The following CD55 variants were observed in gnomAD, a reference collection of about 807,000 sequenced individuals.
CD55 encodes CD55 molecule (Cromer blood group), also known as complement decay-accelerating factor.
In CD55, 41 loss-of-function variants were observed where a neutral mutation model predicts 45.8. That is an observed-to-expected ratio of 0.90 (90% CI 0.70 to 1.16). The LOEUF is 1.16. CD55 is among the 50% of genes most tolerant of loss of function. The probability of loss-of-function intolerance (pLI) is 0.00; values close to 1 mark genes in which losing one functional copy is unlikely to be tolerated. For synonymous variants in CD55, 181 were observed against 181.1 expected (o/e 1.00, Z 0.01); for missense variants, 416 against 469.8 (o/e 0.89, Z 1.06).
chr1:207,342,917 A>T (rs1655486904), intron 9 of CD55, among the ~76,000 whole-genome samples: 3 of 152,128 alleles, frequency 2.0e-5, no homozygotes, highest in Admixed American at 1.3e-4. Flanking sequence ...TTCCTGACTC[A>T]GTCTTGATAG....
At chr1:207,346,237 C>A (rs762831344) in intron 9 of CD55, among the ~76,000 whole-genome samples, 9 of 152,186 alleles carry the variant, frequency 5.9e-5, no homozygotes, top group Non-Finnish European at 1.0e-4. Flanking sequence ...GGCTTACCAG[C>A]TGTGATGTTA....
intron 5 of CD55, among the ~76,000 whole-genome samples, chr1:207,327,769 T>G (rs1654752099): frequency 1.3e-5 from 2 of 152,188 alleles, no homozygotes; most frequent in Non-Finnish European, 2.9e-5. Context: ...TACGGTCAAC[T>G]GACACGAAGA....
intron 5 of CD55, among the ~76,000 whole-genome samples, chr1:207,329,564 TTTATGCC>T (rs1183808388): frequency 6.6e-6 from 1 of 152,108 alleles, no homozygotes; most frequent in African/African-American, 2.4e-5. Context: ...GCCTTCATGT[TTTATGCC>T]TTATACATGC....
chr1:207,322,384 G>T lies in CD55; in HGVS notation c.103G>T (p.Asp35Tyr). ...VLLCLPAVWG[D>Y]CGLPPDVPNA... ...CAGTTCTGCTTTTGTCTCCCTAGGT[G>T]ACTGTGGCCTTCCCCCAGATGTACC... The change falls in exon 2 of 10, where the codon GAC becomes TAC. Residue 35 changes from aspartate (D) to tyrosine (Y), a missense_variant and splice_region_variant. Asp to Tyr is a radical substitution (Grantham distance 160, BLOSUM62 -3). Transcript: ENST00000367064. 6.2e-7 allele frequency: 1 copy of T among 1,613,898 alleles called. No homozygotes were observed. Among genetic ancestry groups the T allele is most frequent in the Non-Finnish European group, 8.5e-7 (1 of 1,179,792 alleles).
rs1466042424 is a variant in CD55, at chr1:207,360,584, G to A, written c.*974G>A. ...ATTCCCTACCTGCTTCCTACAAGCA[G>A]TTCAGAATGCCATGCCTTGGTTGTC... On this transcript the variant is annotated 3_prime_UTR_variant, in exon 10 of 10. Transcript: ENST00000367064. 6.6e-6 allele frequency: 1 copy of A among 152,136 alleles called. No individual in the cohort carries two copies. The highest frequency in any genetic ancestry group is 2.4e-5 in the African/African-American group (1 of 41,428). The allele number at this position is 152,136 out of a possible 1,614,324, so 9.4% of individuals were successfully genotyped here. A position where few individuals can be genotyped will look rare whatever the true frequency, so the allele number is the denominator to read the frequency against.
At chr1:207,323,315 A>G (rs1272810072) in intron 2 of CD55, among the ~76,000 whole-genome samples, 1 of 151,742 alleles carries the variant, frequency 6.6e-6, no homozygotes, top group Non-Finnish European at 1.5e-5. Context: ...GGAGAGAGAG[A>G]TGTATAAACT....
At chr1:207,351,656 C>T (rs1230795875) in intron 9 of CD55, among the ~76,000 whole-genome samples, 1 of 152,060 alleles carries the variant, frequency 6.6e-6, no homozygotes, top group Non-Finnish European at 1.5e-5. Flanking sequence ...TGTTGGAATT[C>T]ACTTTGTTTT....
At chr1:207,330,579 T>A (rs1654897035) in intron 5 of CD55, among the ~76,000 whole-genome samples, 4 of 152,218 alleles carry the variant, frequency 2.6e-5, no homozygotes, top group Admixed American at 6.5e-5. Flanking sequence ...ATCTCTGCTG[T>A]ATCCAAAATG....
chr1:207,345,328 T>C (rs1272040989), intron 9 of CD55, among the ~76,000 whole-genome samples: 3 of 152,120 alleles, frequency 2.0e-5, no homozygotes, highest in Non-Finnish European at 2.9e-5. Context: ...TAGCCTATTA[T>C]TGATGCTTTC....
chr1:207,345,366 C>A (rs982125800), intron 9 of CD55, among the ~76,000 whole-genome samples: 1 of 152,012 alleles, frequency 6.6e-6, no homozygotes, highest in Non-Finnish European at 1.5e-5. Flanking sequence ...AATATTTCAT[C>A]AAGTATATTA....
At chr1:207,332,707 A>C (rs1484997447) in intron 6 of CD55, among the ~76,000 whole-genome samples, 1 of 152,180 alleles carries the variant, frequency 6.6e-6, no homozygotes, top group East Asian at 1.9e-4. Context: ...AACCATATGG[A>C]AGTACCCAAG....
rs572695663 is a variant in CD55 at position 207,350,777 on chromosome 1, T to C, written c.1082-8769T>C. Among the ~76,000 whole-genome samples, 63 of 152,272 alleles carry C rather than the reference T, an allele frequency of 4.1e-4. 1 individual carries two copies. The South Asian group carries it at 0.011, about 26-fold the overall frequency. On this transcript the variant is annotated intron_variant, in intron 9 of 9. Coordinates refer to ENST00000367064, the MANE Select transcript of CD55 (RefSeq NM_000574.5). The stretch of plus-strand genomic sequence containing the variant: ...AATCTAGCTAGTTGTCTATCAATCT[T>C]ATTTATTCTTTCAAAAAACCAGCTT...
intron 9 of CD55, among the ~76,000 whole-genome samples, chr1:207,354,427 C>T (rs1163602112): frequency 6.6e-6 from 1 of 152,154 alleles, no homozygotes; most frequent in East Asian, 1.9e-4. Flanking sequence ...TAATAGGTGG[C>T]AAACTGCTTT....
chr1:207,357,381 C>A (rs977014777), intron 9 of CD55, among the ~76,000 whole-genome samples: 7 of 152,036 alleles, frequency 4.6e-5, no homozygotes, highest in Non-Finnish European at 7.4e-5. Flanking sequence ...GAAGCATCAG[C>A]AAAGCTACTC....
Position 207,331,296 on chromosome 1 carries a change from G to A in CD55, c.853G>A (p.Gly285Arg). Residue 285 changes from glycine to arginine, a missense_variant and splice_region_variant, in exon 6 of 10, where the codon GGA becomes AGA. Physicochemically the swap from Gly to Arg is moderately radical, Grantham distance 125 (BLOSUM62 -2). This residue lies in a region of CD55 where 182 missense variants were observed against 201.4 expected (regional missense o/e 0.90). Transcript: ENST00000367064. ...GAGTGGCCCACCACCTGAATGCAGAGGTAATCACTTTGGATAGTTATATTT... is the reference window on the plus strand; with the variant it reads ...GAGTGGCCCACCACCTGAATGCAGAAGTAATCACTTTGGATAGTTATATTT... The part of the protein sequence containing the change: ...EWSGPPPECR[G>R]KSLTSKVPPT... 1 of 1,611,816 alleles carries A rather than the reference G, an allele frequency of 6.2e-7. No homozygotes were observed. Among genetic ancestry groups the A allele is most frequent in the Non-Finnish European group, 8.5e-7 (1 of 1,178,322 alleles).
intron 8 of CD55, 125 bp downstream of exon 8, chr1:207,337,534 A>T: frequency 1.7e-6 from 1 of 592,786 alleles, no homozygotes. Context: ...TTTCATACTA[A>T]TACTTTTTAC....
chr1:207,355,825 G>T (rs576766298), intron 9 of CD55, among the ~76,000 whole-genome samples: 7 of 152,146 alleles, frequency 4.6e-5, no homozygotes, highest in Non-Finnish European at 1.0e-4. Context: ...ATATTTGAAT[G>T]CTCAACGATC....
At chr1:207,346,751 G>T (rs895791811) in intron 9 of CD55, among the ~76,000 whole-genome samples, 2 of 152,134 alleles carry the variant, frequency 1.3e-5, no homozygotes, top group African/African-American at 4.8e-5. Flanking sequence ...GGAGGGGCTG[G>T]GCTCTCAAAA....
intron 8 of CD55, 34 bp from the exon 9 acceptor site, chr1:207,339,363 T>C: frequency 2.5e-6 from 4 of 1,581,928 alleles, no homozygotes; most frequent in Non-Finnish European, 3.5e-6. Context: ...AACAAATTTT[T>C]GTTGTTAATC....
Sources: gnomAD v4.1 joint callset for allele counts (sites outside exome capture counted in the v4.1 genomes callset) on GRCh38, gnomAD v4.1.1 for gene constraint, gnomAD v4.1.1 regional missense constraint, MANE v1.5 for transcripts, NCBI Gene and HGNC (gene_info 2026-07-23, HGNC 2026-07-21) for gene names.